Variants in TRABD2B observed in about 807,000 individuals in gnomAD.
TRABD2B encodes TraB domain containing 2B, also known as metalloprotease TIKI2.
A neutral mutation model predicts 40.1 loss-of-function variants in TRABD2B; 14 were observed. The observed-to-expected ratio is 0.35, with a 90% CI of 0.23 to 0.55. TRABD2B has a LOEUF of 0.55. Ranked by LOEUF, TRABD2B falls within the 20% of genes least tolerant of loss-of-function variation. The pLI, the probability that TRABD2B is intolerant of heterozygous loss-of-function variation, is 0.90. For missense variants in TRABD2B, 541 were observed against 648.6 expected (o/e 0.83, Z 1.80); for synonymous variants, 263 against 277.0 (o/e 0.95, Z 0.50).
At position 47,762,768 on chromosome 1, in the gene TRABD2B, G is replaced by A. The variant is rs1328862824; in HGVS notation, c.*3134C>T. 2 of 152,168 alleles carry A rather than the reference G, an allele frequency of 1.3e-5. No individual in the cohort carries two copies. Among genetic ancestry groups the A allele is most frequent in the African/African-American group, 4.8e-5 (2 of 41,444 alleles). The allele number at this position is 152,168 out of a possible 1,614,324, so 9.4% of individuals were successfully genotyped here. A position where few individuals can be genotyped will look rare whatever the true frequency, so the allele number is the denominator to read the frequency against. ...TCTTCTCCCTCCACTGTGGATGACA[G>A]GGCTCTCCCTGTCTTCATCTGGCTG... On this transcript the variant is annotated 3_prime_UTR_variant, in exon 7 of 7. Coordinates refer to ENST00000606738, the MANE Select transcript of TRABD2B (RefSeq NM_001194986.2).
intron 4 of TRABD2B, among the ~76,000 whole-genome samples, chr1:47,779,637 T>C (rs58726995): frequency 0.44 from 67,605 of 151,926 alleles, 15,462 homozygotes; most frequent in East Asian, 0.58. Flanking sequence ...CACTCTGGGA[T>C]GTCCCTCTGC....
chr1:47,938,078 A>C (rs1645137783), intron 2 of TRABD2B, among the ~76,000 whole-genome samples: 1 of 152,236 alleles, frequency 6.6e-6, no homozygotes, highest in Non-Finnish European at 1.5e-5. Context: ...GTAGCCACCA[A>C]ACTTCCGGCA....
chr1:47,983,647 C>G lies in TRABD2B; in HGVS notation c.666+10387G>C, dbSNP rs1371775389. On this transcript the variant is annotated intron_variant, in intron 2 of 6. Coordinates refer to ENST00000606738, the MANE Select transcript of TRABD2B (RefSeq NM_001194986.2). ...CTGGTTCTCAAAAATGTACTATAAT[C>G]CAGTGGATGCTGGAGCCACCCAGCT... Among the ~76,000 whole-genome samples the G allele has an allele frequency of 2.6e-5, 4 of 151,890 alleles. No individual in the cohort carries two copies. The East Asian group carries it at 5.8e-4, about 22-fold the overall frequency.
chr1:47,855,652 C>A (rs1643882974), intron 2 of TRABD2B, among the ~76,000 whole-genome samples: 1 of 152,208 alleles, frequency 6.6e-6, no homozygotes, highest in Non-Finnish European at 1.5e-5. Flanking sequence ...TGCTTGTGTT[C>A]TCCCAAACTT....
At chr1:47,803,568 C>G (rs560913799) in intron 2 of TRABD2B, among the ~76,000 whole-genome samples, 1 of 152,218 alleles carries the variant, frequency 6.6e-6, no homozygotes, top group South Asian at 2.1e-4. Context: ...TCACAATTGT[C>G]CCCAGATGCA....
At chr1:47,805,636 C>T (rs1644881282) in intron 2 of TRABD2B, among the ~76,000 whole-genome samples, 1 of 152,196 alleles carries the variant, frequency 6.6e-6, no homozygotes, top group South Asian at 2.1e-4. Context: ...TGCGCACTTT[C>T]CCTTACACCT....
At chr1:47,803,786 A>G (rs1644854675) in intron 2 of TRABD2B, among the ~76,000 whole-genome samples, 1 of 152,228 alleles carries the variant, frequency 6.6e-6, no homozygotes, top group African/African-American at 2.4e-5. Context: ...TGGTGAAGAT[A>G]AAGTGTCACT....
chr1:47,940,318 G>A (rs1004020629), intron 2 of TRABD2B, among the ~76,000 whole-genome samples: 29 of 152,238 alleles, frequency 1.9e-4, no homozygotes, highest in African/African-American at 7.0e-4. Flanking sequence ...TAGCTGAGTA[G>A]TTACCTGTCT....
intron 2 of TRABD2B, among the ~76,000 whole-genome samples, chr1:47,934,765 CAG>C (rs1174963380): frequency 6.6e-6 from 1 of 152,176 alleles, no homozygotes; most frequent in Non-Finnish European, 1.5e-5. Flanking sequence ...AGGCCAGACA[CAG>C]GGCTTAGAGT....
At chr1:47,951,550 G>A (rs950466790) in intron 2 of TRABD2B, among the ~76,000 whole-genome samples, 1 of 152,184 alleles carries the variant, frequency 6.6e-6, no homozygotes, top group East Asian at 1.9e-4. Flanking sequence ...CAGAGGGGCA[G>A]GCTCCAGGCT....
At chr1:47,795,219 C>T (rs889745471) in intron 3 of TRABD2B, among the ~76,000 whole-genome samples, 3 of 152,292 alleles carry the variant, frequency 2.0e-5, no homozygotes, top group Non-Finnish European at 4.4e-5. Flanking sequence ...CTCAGATAAG[C>T]ATTGTTATTC....
intron 2 of TRABD2B, among the ~76,000 whole-genome samples, chr1:47,975,815 T>C (rs1645747708): frequency 6.6e-6 from 1 of 151,698 alleles, no homozygotes; most frequent in Non-Finnish European, 1.5e-5. Context: ...ATCATGGAAG[T>C]GGGGTAGTCA....
At chr1:47,927,145 G>A (rs1335750559) in intron 2 of TRABD2B, among the ~76,000 whole-genome samples, 1 of 152,300 alleles carries the variant, frequency 6.6e-6, no homozygotes, top group Admixed American at 6.5e-5. Flanking sequence ...TCATTCTTGG[G>A]AGGGGGACCT....
chr1:47,785,304 C>G (rs747653957), intron 4 of TRABD2B, among the ~76,000 whole-genome samples: 3 of 152,154 alleles, frequency 2.0e-5, no homozygotes, highest in Admixed American at 6.5e-5. Context: ...AGTGCTCCAC[C>G]CTGGGAGGTG....
Position 47,772,976 on chromosome 1 carries a change from C to T in TRABD2B, c.1349+2194G>A, listed in dbSNP as rs1305405502. Among the ~76,000 whole-genome samples, 4 of 152,256 alleles carry T rather than the reference C, an allele frequency of 2.6e-5. No individual in the cohort carries two copies. In the South Asian group the frequency reaches 6.2e-4, roughly 24 times the overall value. ...CTTGCCAAAGAAAAGCTGTTTTCTT[C>T]TCCTGAAATCAGGCTCTGTGTTTCG... On this transcript the variant is annotated intron_variant, in intron 6 of 6. Coordinates refer to ENST00000606738, the MANE Select transcript of TRABD2B (RefSeq NM_001194986.2).
At chr1:47,791,658 A>T (rs974831348) in intron 4 of TRABD2B, among the ~76,000 whole-genome samples, 4 of 151,994 alleles carry the variant, frequency 2.6e-5, no homozygotes, top group Non-Finnish European at 5.9e-5. Context: ...TTCAGGTCTC[A>T]CTCCACCAAG....
Position 47,957,692 on chromosome 1 carries a change from A to G in TRABD2B, c.666+36342T>C, listed in dbSNP as rs1015027877. Reference sequence around the variant, plus strand: ...TAAAAAGAAACAAAAAAAGCCTCCAAGAAATATGGGACTATGTGAAAAGAC... The same window carrying G: ...TAAAAAGAAACAAAAAAAGCCTCCAGGAAATATGGGACTATGTGAAAAGAC... On this transcript the variant is annotated intron_variant, in intron 2 of 6. Transcript: ENST00000606738. Among the ~76,000 whole-genome samples the G allele has an allele frequency of 3.3e-5, 5 of 152,356 alleles. No individual in the cohort carries two copies. In the East Asian group the frequency reaches 9.6e-4, roughly 29 times the overall value.
chr1:47,812,601 C>T (rs894429297), intron 2 of TRABD2B, among the ~76,000 whole-genome samples: 2 of 152,124 alleles, frequency 1.3e-5, no homozygotes, highest in South Asian at 4.1e-4. Context: ...TGCCTGTAGT[C>T]CCAGCTACGC....
intron 6 of TRABD2B, among the ~76,000 whole-genome samples, chr1:47,770,198 C>G (rs1025172574): frequency 6.6e-6 from 1 of 152,074 alleles, no homozygotes; most frequent in African/African-American, 2.4e-5. Context: ...CACACAGGGC[C>G]TGGGTCACAG....
Sources: gnomAD v4.1 joint callset for allele counts (sites outside exome capture counted in the v4.1 genomes callset) on GRCh38, gnomAD v4.1.1 for gene constraint, MANE v1.5 for transcripts, NCBI Gene and HGNC (gene_info 2026-07-23, HGNC 2026-07-21) for gene names.